MIGA2: variants seen among roughly 807,000 people sequenced by gnomAD.
MIGA2 encodes mitoguardin 2.
A neutral mutation model predicts 69.9 loss-of-function variants in MIGA2; 36 were observed. The observed-to-expected ratio is 0.52, with a 90% CI of 0.39 to 0.68. The LOEUF (loss-of-function observed/expected upper bound fraction) is 0.68, where lower values mean the gene tolerates loss of function less well. Ranked by LOEUF, MIGA2 falls within the 30% of genes least tolerant of loss-of-function variation. The pLI is 0.00. For synonymous variants in MIGA2, 333 were observed against 349.2 expected, an observed-to-expected ratio of 0.95 and a Z score of 0.52; for missense variants, 660 against 787.7, an observed-to-expected ratio of 0.84 and a Z score of 1.94.
At chr9:129,066,946 C>T (rs1390372091) in intron 11 of MIGA2, among the ~76,000 whole-genome samples, 37 of 87,050 alleles carry the variant, frequency 4.3e-4, no homozygotes, top group African/African-American at 1.5e-3. Flanking sequence ...GCCAATAGAG[C>T]GAGACTCTGT....
In MIGA2 at chr9:129,063,852, G is replaced by A. The variant is rs544428278; in HGVS notation, c.1170+221G>A. On this transcript the variant is annotated intron_variant, in intron 11 of 15. Coordinates refer to ENST00000684074, the MANE Select transcript of MIGA2 (RefSeq NM_001329990.2). Reference sequence around the variant, plus strand: ...ACCCTGGAGTGTGGCGGCATGTGGCGTCCGTCTCTCCATGCTGGCACTGGG... The same window carrying A: ...ACCCTGGAGTGTGGCGGCATGTGGCATCCGTCTCTCCATGCTGGCACTGGG... 5.3e-5 allele frequency among the ~76,000 whole-genome samples: 8 copies of A among 152,258 alleles called. No individual in the cohort carries two copies. In the East Asian group the frequency reaches 5.8e-4, roughly 11 times the overall value.
At chr9:129,063,481 C>T in intron 10 of MIGA2, 64 bp from the exon 11 acceptor site, 1 of 1,593,870 alleles carries the variant, frequency 6.3e-7, no homozygotes, top group Non-Finnish European at 8.6e-7. Flanking sequence ...ATGTGGCCCT[C>T]TCCGTGGGCT....
chr9:129,039,225 TTTTA>T (rs999683767), intron 1 of MIGA2, among the ~76,000 whole-genome samples: 2 of 145,316 alleles, frequency 1.4e-5, no homozygotes, highest in African/African-American at 5.0e-5. Context: ...GTGTGTTTTA[TTTTA>T]TTTTATTTTT....
Position 129,049,893 on chromosome 9 carries a change from A to C in MIGA2, c.605A>C (p.Asp202Ala), listed in dbSNP as rs753133448. The C allele has an allele frequency of 6.2e-7, 1 of 1,613,772 alleles. No homozygotes were observed. Among genetic ancestry groups the C allele is most frequent in the Non-Finnish European group, 8.5e-7 (1 of 1,180,000 alleles). ...GCACTAAGCGTGGGCCAGCGGGGGG[A>C]CAGCGGCAGCACCCCCATGCCCAGG... ...EQALSVGQRGDSGSTPMPRDG... is the reference protein window; with the variant it reads ...EQALSVGQRGASGSTPMPRDG... The change falls in exon 6 of 16, where the codon GAC becomes GCC. Residue 202 changes from aspartate to alanine, a missense_variant. Asp to Ala is a moderately radical substitution (Grantham distance 126). Transcript: ENST00000684074.
chr9:129,070,265 C>G lies in MIGA2; in HGVS notation c.1594C>G (p.Leu532Val). Residue 532 changes from leucine (L) to valine (V), a missense_variant, in exon 16 of 16, where the codon CTG (leucine) becomes GTG (valine). Coordinates refer to ENST00000684074, the MANE Select transcript of MIGA2 (RefSeq NM_001329990.2). Reference protein sequence around the residue: ...AFFKHQIVQYLRDMFDLDNVR... With the variant: ...AFFKHQIVQYVRDMFDLDNVR... ...CCCCCAGCACCAGATTGTGCAGTAC[C>G]TGAGGGACATGTTCGACCTGGACAA... The G allele has an allele frequency of 6.2e-7, 1 of 1,613,026 alleles. No individual in the cohort carries two copies. The highest frequency in any genetic ancestry group is 8.5e-7 in the Non-Finnish European group (1 of 1,179,962).
In MIGA2 at chr9:129,068,493, G is replaced by A; in HGVS notation, c.1404+161G>A. 3.1e-6 allele frequency: 3 copies of A among 954,574 alleles called. No individual in the cohort carries two copies. Among genetic ancestry groups the A allele is most frequent in the Non-Finnish European group, 4.6e-6 (3 of 655,070 alleles). 59.1% of individuals were successfully genotyped at this position (954,574 alleles called of 1,614,324 possible). ...GGAGACCAGAGTCTGCCCTGGAGAA[G>A]CCTCCAGGGTGCCCCGTTGCTGCCT... is the stretch of plus-strand genomic sequence containing the variant. On this transcript the variant is annotated intron_variant, in intron 13 of 15. Transcript: ENST00000684074. The surrounding 1 kb of genome is among the most constrained non-coding windows in gnomAD (Gnocchi z 4.1).
At chr9:129,038,078 G>A (rs1260933891) in intron 1 of MIGA2, among the ~76,000 whole-genome samples, 1 of 152,162 alleles carries the variant, frequency 6.6e-6, no homozygotes, top group Non-Finnish European at 1.5e-5. Context: ...TGAGACCTGA[G>A]CCAGCCTGGG....
chr9:129,039,402 C>T (rs1450346361), intron 1 of MIGA2, among the ~76,000 whole-genome samples: 1 of 151,834 alleles, frequency 6.6e-6, no homozygotes, highest in African/African-American at 2.4e-5. Context: ...CCCGCTACAA[C>T]GCCCGGCTAA....
At chr9:129,042,214 T>C in intron 2 of MIGA2, 90 bp from the exon 3 acceptor site, 2 of 1,285,698 alleles carry the variant, frequency 1.6e-6, no homozygotes, top group South Asian at 1.3e-5. Flanking sequence ...AGCCGGTGTG[T>C]GTCCCGTCCC....
chr9:129,040,476 G>C lies in MIGA2; in HGVS notation c.-119G>C, dbSNP rs1844837683. 2 of 1,445,352 alleles carry C rather than the reference G, an allele frequency of 1.4e-6. No homozygotes were observed. The allele number at this position is 1,445,352 out of a possible 1,614,324, so 89.5% of individuals were successfully genotyped here. On this transcript the variant is annotated 5_prime_UTR_variant, in exon 2 of 16. The change abolishes an upstream ATG in the 5' untranslated region. Coordinates refer to ENST00000684074, the MANE Select transcript of MIGA2 (RefSeq NM_001329990.2). ...GCTCTGTGGAGGGGCCCTCTGGTAT[G>C]TGTGTCCCTGTCCTTCTGGGGCGTG...
intron 9 of MIGA2, among the ~76,000 whole-genome samples, chr9:129,062,039 CT>C (rs530280541): frequency 0.036 from 4,638 of 130,054 alleles, 108 homozygotes; most frequent in South Asian, 0.11. Context: ...GAGAACTTGA[CT>C]TTTTTTTTTT....
rs1588412053 is a variant in MIGA2 at position 129,064,785 on chromosome 9, G to T, written c.1170+1154G>T. On this transcript the variant is annotated intron_variant, in intron 11 of 15. Coordinates refer to ENST00000684074, the MANE Select transcript of MIGA2 (RefSeq NM_001329990.2). Reference sequence around the variant, plus strand: ...CCCAGGAACACTGTTGCTCAATCTTGTTTTTTTTTTTTTTGAGACAGGGTT... The same window carrying T: ...CCCAGGAACACTGTTGCTCAATCTTTTTTTTTTTTTTTTTGAGACAGGGTT... Among the ~76,000 whole-genome samples the T allele has an allele frequency of 3.6e-5, 5 of 137,564 alleles. No homozygotes were observed. The South Asian group carries it at 9.2e-4, about 25-fold the overall frequency. 90.2% of individuals were successfully genotyped at this position (137,564 alleles called of 152,430 possible).
Position 129,063,563 on chromosome 9 carries a change from A to C in MIGA2, c.1102A>C (p.Ser368Arg), listed in dbSNP as rs1846179420. 1.9e-6 allele frequency: 3 copies of C among 1,576,532 alleles called. No individual in the cohort carries two copies. In the South Asian group the frequency reaches 3.3e-5, roughly 17 times the overall value. ...TCCCTAGGGGCTTCTGGAAGACAAG[A>C]GTAACCAGCTTTTCTTCGGGAAAGT... ...QAFEGLLEDK[S>R]NQLFFGKVGR... Residue 368 changes from serine (S) to arginine (R), a missense_variant, in exon 11 of 16, where the codon AGT (serine) becomes CGT (arginine). Physicochemically the swap from Ser to Arg is moderately radical, Grantham distance 110. This residue lies in a region of MIGA2 where 386 missense variants were observed against 402.0 expected (regional missense o/e 0.96). Coordinates refer to ENST00000684074, the MANE Select transcript of MIGA2 (RefSeq NM_001329990.2).
At position 129,067,756 on chromosome 9, in the gene MIGA2, C is replaced by G. The variant is rs768921850; in HGVS notation, c.1171-17C>G. On this transcript the variant is annotated splice_polypyrimidine_tract_variant and intron_variant, in intron 11 of 15. Coordinates refer to ENST00000684074, the MANE Select transcript of MIGA2 (RefSeq NM_001329990.2). ...GTCTTGTCCAGTGACCAGGATGGGC[C>G]GTGCTTCTCTCCACAGAGCCCCAAA... 1.9e-6 allele frequency: 3 copies of G among 1,600,354 alleles called. No homozygotes were observed. The highest frequency in any genetic ancestry group is 2.6e-6 in the Non-Finnish European group (3 of 1,173,044).
intron 6 of MIGA2, among the ~76,000 whole-genome samples, chr9:129,052,966 C>T (rs1199158473): frequency 6.6e-6 from 1 of 152,090 alleles, no homozygotes. Flanking sequence ...AGCTTTATTT[C>T]CCAAATTGTA....
intron 6 of MIGA2, among the ~76,000 whole-genome samples, chr9:129,054,470 G>T (rs897020288): frequency 2.6e-5 from 4 of 151,732 alleles, no homozygotes; most frequent in African/African-American, 7.3e-5. Flanking sequence ...CAACAACAAA[G>T]AAACAACAAC....
chr9:129,047,091 T>A (rs560949511), intron 3 of MIGA2: 1 of 152,030 alleles, frequency 6.6e-6, no homozygotes, highest in Non-Finnish European at 1.5e-5. Context: ...TTTTGTTTTG[T>A]ATTTTTGAGA....
rs1177162685 is a variant in MIGA2, at chr9:129,060,543, T to C, written c.794-7T>C. ...TCAGCCCCGCTTTCTCTCACTGCTC[T>C]TCCCAGAGAGGACCCTCATGCTGCC... On this transcript the variant is annotated splice_polypyrimidine_tract_variant and splice_region_variant and intron_variant, in intron 7 of 15. Coordinates refer to ENST00000684074, the MANE Select transcript of MIGA2 (RefSeq NM_001329990.2). This position sits in a 1 kb window ranked among gnomAD's most constrained non-coding sequence, Gnocchi z 4.8. 2 of 1,585,678 alleles carry C rather than the reference T, an allele frequency of 1.3e-6. No homozygotes were observed. Among genetic ancestry groups the C allele is most frequent in the African/African-American group, 1.3e-5 (1 of 74,474 alleles).
chr9:129,067,095 C>T (rs552106062), intron 11 of MIGA2, among the ~76,000 whole-genome samples: 2 of 147,038 alleles, frequency 1.4e-5, no homozygotes, highest in East Asian at 4.0e-4. Context: ...GAGATCGTGC[C>T]ACTGCACTCC....
Sources: allele counts gnomAD v4.1 joint callset (sites outside exome capture counted in the v4.1 genomes callset), GRCh38; gene constraint gnomAD v4.1.1; regional missense constraint gnomAD v4.1.1; non-coding constraint Gnocchi (gnomAD v3.1); transcripts MANE v1.5; gene names NCBI Gene and HGNC (gene_info 2026-07-23, HGNC 2026-07-21).